Variants in MZT2A observed in about 807,000 individuals in gnomAD.
MZT2A encodes the protein mitotic spindle organizing protein 2A.
A neutral mutation model predicts 12.4 loss-of-function variants in MZT2A; 8 were observed. That is an observed-to-expected ratio of 0.64 (90% CI 0.38 to 1.16). The LOEUF is 1.16. Among genes scored for constraint, MZT2A ranks in the 50% most tolerant of loss-of-function variants. The pLI, the probability that MZT2A is intolerant of heterozygous loss-of-function variation, is 0.01. For synonymous variants in MZT2A, 88 were observed against 107.5 expected (o/e 0.82, Z 1.12); for missense variants, 181 against 223.6 (o/e 0.81, Z 1.22).
At chr2:131,472,124 G>A (rs1470109963) in exon 3 of MZT2A, 21 of 1,290,224 alleles carry the variant, frequency 1.6e-5, no homozygotes, top group Admixed American at 6.9e-5. Context: ...TCTGGCCCCC[G>A]TAGCTGCTGT....
chr2:131,488,163 AC>A (rs1359108644), intron 2 of MZT2A, among the ~76,000 whole-genome samples: 2 of 152,168 alleles, frequency 1.3e-5, no homozygotes, highest in South Asian at 4.2e-4. Context: ...CTCAGGTGAG[AC>A]TCACGGCTTC....
At chr2:131,483,339 C>A (rs190677495), downstream of MZT2A, among the ~76,000 whole-genome samples, 9 of 152,144 alleles carry the variant, frequency 5.9e-5, no homozygotes, top group Non-Finnish European at 1.2e-4. Context: ...GAGTATTAAC[C>A]GAGTTCTGCA....
intron 2 of MZT2A, chr2:131,478,030 T>C: frequency 8.1e-7 from 1 of 1,240,252 alleles, no homozygotes; most frequent in East Asian, 2.6e-5. Flanking sequence ...TCACTAACCC[T>C]CCTAGGAAAT....
At chr2:131,477,548 T>A (rs1343841381) in intron 2 of MZT2A, among the ~76,000 whole-genome samples, 1 of 144,660 alleles carries the variant, frequency 6.9e-6, no homozygotes, top group East Asian at 1.9e-4. Context: ...AAGGAGGGAG[T>A]ACCCTGGCAC....
downstream of MZT2A, chr2:131,482,856 G>A (rs756603518): frequency 1.6e-5 from 26 of 1,610,478 alleles, no homozygotes; most frequent in Non-Finnish European, 2.2e-5. Context: ...TGAGGGGAGG[G>A]TGTGGTGGGT....
upstream of MZT2A, chr2:131,492,495 G>A: frequency 9.3e-7 from 1 of 1,072,964 alleles, no homozygotes. Context: ...GGGAGCGGCG[G>A]GAGCGCGGGG....
chr2:131,493,141 G>T, upstream of MZT2A: 2 of 1,458,004 alleles, frequency 1.4e-6, no homozygotes. Context: ...GGTCCCACAG[G>T]TGAGTGGCGC....
At chr2:131,482,465 A>C (rs549712591), downstream of MZT2A, 339 of 1,527,772 alleles carry the variant, frequency 2.2e-4, 1 homozygote, top group Middle Eastern at 3.3e-3. Context: ...TGTCACCTAC[A>C]GGGTGTCTTC....
downstream of MZT2A, chr2:131,479,186 A>G: frequency 6.2e-6 from 9 of 1,447,874 alleles, no homozygotes; most frequent in Non-Finnish European, 7.4e-6. Flanking sequence ...CTGTTGACCT[A>G]TGACATGTAG....
Position 131,492,327 on chromosome 2 carries a change from C to T in MZT2A, c.50G>A (p.Gly17Glu), listed in dbSNP as rs1375837826. The T allele has an allele frequency of 2.6e-6, 4 of 1,512,372 alleles. No homozygotes were observed. The highest frequency in any genetic ancestry group is 3.5e-6 in the Non-Finnish European group (4 of 1,138,770). The allele number at this position is 1,512,372 out of a possible 1,614,324, so 93.7% of individuals were successfully genotyped here. A position where few individuals can be genotyped will look rare whatever the true frequency, so the allele number is the denominator to read the frequency against. ...CAGCTTCTGCCGGGCCGCCTCCAGC[C>T]CCGGGGGCGCCGCCGACCCCGGCCC... ...GPGPGSAAPP[G>E]LEAARQKLAL... Residue 17 changes from glycine (G) to glutamate (E), a missense_variant, in exon 1 of 3, where the codon GGG becomes GAG. Physicochemically the swap from Gly to Glu is moderately conservative, Grantham distance 98 (BLOSUM62 -2). Around this residue, in one of 3 missense-constraint regions of MZT2A, gnomAD observed 106 missense variants for 127.2 expected, o/e 0.83. Transcript: ENST00000309451.
chr2:131,492,239 C>T lies in MZT2A; in HGVS notation c.138G>A (p.Ala46=), dbSNP rs1264919733. The T allele has an allele frequency of 6.3e-6, 10 of 1,585,702 alleles. No individual in the cohort carries two copies. In the African/African-American group the frequency reaches 8.1e-5, roughly 13 times the overall value. ...EEMELYELAQ[A]AGGGIDPDVF... ...CGTCGGGGTCGATACCGCCGCCCGC[C>T]GCCTGAGCCAGCTCGTACAGCTCCA... The change falls in exon 1 of 3, where the codon GCG becomes GCA. Residue 46 remains alanine, a synonymous_variant. Coordinates refer to ENST00000309451, the MANE Select transcript of MZT2A (RefSeq NM_001085365.2).
chr2:131,489,907 C>G (rs1357482391), intron 2 of MZT2A: 30 of 976,684 alleles, frequency 3.1e-5, no homozygotes, highest in Non-Finnish European at 3.5e-5. Context: ...GCCTGGCACC[C>G]AGAGCCCTGA....
rs996015413 is a variant in MZT2A, at chr2:131,474,102, C to CT, written c.279-1921dup. 1.1e-3 allele frequency among the ~76,000 whole-genome samples: 142 copies of CT among 135,186 alleles called. 4 individuals carry two copies. The highest frequency in any genetic ancestry group is 3.8e-3 in the Middle Eastern group (1 of 266). The allele number at this position is 135,186 out of a possible 152,430, so 88.7% of individuals were successfully genotyped here. On this transcript the variant is annotated intron_variant and NMD_transcript_variant, in intron 2 of 4. Transcript: ENST00000427024. ...TAGACAATGTAGAGACAATAAATAGCTTTTTTTTTTTTTGAGACAGAGTCT... is the reference window on the plus strand; with the variant it reads ...TAGACAATGTAGAGACAATAAATAGCTTTTTTTTTTTTTTGAGACAGAGTCT...
upstream of MZT2A, chr2:131,492,516 C>T (rs1257169999): frequency 1.2e-5 from 14 of 1,124,066 alleles, no homozygotes; most frequent in African/African-American, 2.1e-4. Flanking sequence ...ACGGGGCCGC[C>T]TCCTCGGCGT....
downstream of MZT2A, among the ~76,000 whole-genome samples, chr2:131,482,231 C>T (rs1400617369): frequency 6.6e-6 from 1 of 152,172 alleles, no homozygotes; most frequent in Non-Finnish European, 1.5e-5. Flanking sequence ...TAATTGTAAT[C>T]TACAAAGAAG....
chr2:131,490,984 G>A (rs1679272336), intron 2 of MZT2A: 38 of 1,541,862 alleles, frequency 2.5e-5, no homozygotes, highest in Admixed American at 3.9e-5. Context: ...TTGGGTCAGC[G>A]GGCGTGGGTG....
downstream of MZT2A, chr2:131,479,176 C>T (rs1388066096): frequency 5.7e-6 from 8 of 1,404,150 alleles, no homozygotes; most frequent in African/African-American, 4.3e-5. Flanking sequence ...GACACTGCCA[C>T]TGTTGACCTA....
intron 2 of MZT2A, chr2:131,490,865 C>T: frequency 6.5e-7 from 1 of 1,550,056 alleles, no homozygotes. Flanking sequence ...AGGGGGGCTA[C>T]TGTTCCTGGC....
At chr2:131,471,218 T>C (rs3101984) in intron 3 of MZT2A, among the ~76,000 whole-genome samples, 45,410 of 134,296 alleles carry the variant, frequency 0.34, 11,241 homozygotes, top group East Asian at 0.75. Flanking sequence ...AATGAGACGC[T>C]GCCCAGCCCA....
Sources: allele counts gnomAD v4.1 joint callset (sites outside exome capture counted in the v4.1 genomes callset), GRCh38; gene constraint gnomAD v4.1.1; regional missense constraint gnomAD v4.1.1; transcripts MANE v1.5; gene names NCBI Gene and HGNC (gene_info 2026-07-23, HGNC 2026-07-21).